Variants in TEX11 observed in about 807,000 individuals in gnomAD.
TEX11 encodes testis-expressed protein 11.
TEX11 carries 7 observed loss-of-function variants against 84.4 expected under a neutral mutation model. The ratio of observed to expected loss-of-function variants is 0.08; its 90% CI spans 0.05 to 0.16. The LOEUF (loss-of-function observed/expected upper bound fraction) is 0.16. TEX11 is among the 10% of genes least tolerant of loss of function. TEX11 has a pLI of 1.00. For synonymous variants in TEX11, 264 were observed against 222.8 expected (o/e 1.18, Z -1.64); for missense variants, 551 against 660.5 (o/e 0.83, Z 1.82).
At chrX:70,690,072 G>A (rs1261618350) in intron 13 of TEX11, among the ~76,000 whole-genome samples, 2 of 111,521 alleles carry the variant, frequency 1.8e-5, no homozygotes, top group African/African-American at 6.5e-5. Context: ...TTGATGGGTA[G>A]TCTCAAGACT....
intron 8 of TEX11, among the ~76,000 whole-genome samples, chrX:70,817,471 G>C (rs1028484393): frequency 8.9e-6 from 1 of 112,244 alleles, no homozygotes; most frequent in African/African-American, 3.2e-5. Flanking sequence ...GTCCCAGAAG[G>C]CTGAGGTGGG....
chrX:70,559,622 C>T (rs185573671), intron 25 of TEX11, among the ~76,000 whole-genome samples: 245 of 111,903 alleles, frequency 2.2e-3, no homozygotes, highest in African/African-American at 7.6e-3. Flanking sequence ...TCTTTTGGGA[C>T]CAACTTCTTT....
chrX:70,815,747 G>A lies in TEX11; in HGVS notation c.607-8957C>T, dbSNP rs184799902. On this transcript the variant is annotated intron_variant, in intron 8 of 29. Coordinates refer to ENST00000374333, the MANE Select transcript of TEX11 (RefSeq NM_031276.3). ...CTACTGCATTGCTATCCATTTCATC[G>A]CTTGATTTCACGCTTCTGTCAAACT... Among the ~76,000 whole-genome samples, 90 of 111,030 alleles carry A rather than the reference G, an allele frequency of 8.1e-4. 1 individual carries two copies. Among genetic ancestry groups the A allele is most frequent in the Non-Finnish European group, 1.5e-3 (77 of 53,049 alleles).
chrX:70,644,829 G>C (rs1300108990), intron 17 of TEX11, among the ~76,000 whole-genome samples: 4 of 98,164 alleles, frequency 4.1e-5, no homozygotes, highest in Non-Finnish European at 6.2e-5. Context: ...GCTAGATGAG[G>C]AGTTAGTGGG....
intron 11 of TEX11, among the ~76,000 whole-genome samples, chrX:70,739,089 G>T (rs2090716797): frequency 9.0e-6 from 1 of 111,339 alleles, no homozygotes; most frequent in Non-Finnish European, 1.9e-5. Context: ...TGCACATTCT[G>T]CACATGTATC....
chrX:70,609,804 A>T (rs2089238171), intron 21 of TEX11, among the ~76,000 whole-genome samples: 1 of 111,463 alleles, frequency 9.0e-6, no homozygotes, highest in African/African-American at 3.3e-5. Context: ...ATAAGGAAAG[A>T]GGTACATGGA....
chrX:70,530,415 G>A (rs1225642703), intron 28 of TEX11, among the ~76,000 whole-genome samples: 1 of 111,885 alleles, frequency 8.9e-6, no homozygotes, highest in African/African-American at 3.2e-5. Context: ...ACCAGAATTA[G>A]TCCATATTTG....
intron 7 of TEX11, among the ~76,000 whole-genome samples, chrX:70,851,127 A>G (rs73546740): frequency 0.024 from 2,687 of 111,702 alleles, 82 homozygotes; most frequent in African/African-American, 0.083. Flanking sequence ...TAAGGGACCC[A>G]GAAAAGTCCA....
intron 8 of TEX11, among the ~76,000 whole-genome samples, chrX:70,830,217 T>C (rs1235119406): frequency 8.9e-6 from 1 of 111,776 alleles, no homozygotes; most frequent in African/African-American, 3.3e-5. Context: ...GGAGTACCTA[T>C]ACTTATATCA....
chrX:70,825,230 T>C (rs1023317870), intron 8 of TEX11, among the ~76,000 whole-genome samples: 1 of 109,819 alleles, frequency 9.1e-6, no homozygotes, highest in Non-Finnish European at 1.9e-5. Context: ...GAAAAGCGCT[T>C]GAACCCGGGA....
chrX:70,521,706 C>T, the TEX11 span, among the ~76,000 whole-genome samples: 4 of 111,974 alleles, frequency 3.6e-5, no homozygotes, highest in Non-Finnish European at 5.6e-5. Context: ...GAAGTGGAAA[C>T]TTGTGGAACC....
At chrX:70,578,916 G>A (rs898931869) in intron 25 of TEX11, among the ~76,000 whole-genome samples, 8 of 106,665 alleles carry the variant, frequency 7.5e-5, no homozygotes, top group Admixed American at 4.0e-4. Context: ...GATTACAGGC[G>A]CCCACCACCA....
intron 2 of TEX11, among the ~76,000 whole-genome samples, chrX:70,907,406 G>C (rs1250882854): frequency 9.1e-6 from 1 of 109,554 alleles, no homozygotes; most frequent in African/African-American, 3.3e-5. Flanking sequence ...AAAATATTTA[G>C]ATTTTTTTTT....
intron 9 of TEX11, among the ~76,000 whole-genome samples, chrX:70,766,219 C>T (rs1221487812): frequency 9.0e-6 from 1 of 111,001 alleles, no homozygotes; most frequent in Non-Finnish European, 1.9e-5. Context: ...CCAGAACAAC[C>T]TGGCCAACAT....
At chrX:70,811,422 T>C (rs1001471189) in intron 8 of TEX11, among the ~76,000 whole-genome samples, 9 of 112,087 alleles carry the variant, frequency 8.0e-5, no homozygotes, top group Non-Finnish European at 1.3e-4. Context: ...ATCCAGACTA[T>C]CACTGATGGA....
intron 17 of TEX11, among the ~76,000 whole-genome samples, chrX:70,634,032 G>T (rs1318502403): frequency 8.9e-6 from 1 of 112,264 alleles, no homozygotes; most frequent in African/African-American, 3.2e-5. Context: ...AAAGTTGTGG[G>T]ATATAAGATC....
intron 20 of TEX11, among the ~76,000 whole-genome samples, chrX:70,622,660 A>T (rs917078040): frequency 1.8e-5 from 2 of 111,870 alleles, no homozygotes; most frequent in African/African-American, 3.2e-5. Flanking sequence ...GTCCTTTTTT[A>T]AAAAAGCTTC....
intron 9 of TEX11, among the ~76,000 whole-genome samples, chrX:70,794,628 A>G (rs764861709): frequency 9.3e-6 from 1 of 107,915 alleles, no homozygotes; most frequent in Non-Finnish European, 1.9e-5. Context: ...TTGGATAACA[A>G]CTCTGCTATG....
intron 15 of TEX11, among the ~76,000 whole-genome samples, chrX:70,676,898 G>T (rs1264278967): frequency 8.9e-6 from 1 of 111,808 alleles, no homozygotes; most frequent in African/African-American, 3.3e-5. Context: ...CCTAAACAGA[G>T]TTTTCATCTT....
Sources: allele counts gnomAD v4.1 joint callset (sites outside exome capture counted in the v4.1 genomes callset), GRCh38; gene constraint gnomAD v4.1.1; transcripts MANE v1.5; gene names NCBI Gene and HGNC (gene_info 2026-07-23, HGNC 2026-07-21).